Variants in KIAA1958 observed in about 807,000 individuals in gnomAD.
KIAA1958 encodes the protein uncharacterized protein KIAA1958.
KIAA1958 carries 14 observed loss-of-function variants against 47.2 expected under a neutral mutation model. The ratio of observed to expected loss-of-function variants is 0.30; its 90% CI spans 0.20 to 0.46. KIAA1958 has a LOEUF of 0.46. Among genes scored for constraint, KIAA1958 ranks in the 20% least tolerant of loss-of-function variants. KIAA1958 has a pLI of 1.00. For synonymous variants in KIAA1958, 354 were observed against 353.3 expected, an observed-to-expected ratio of 1.00 and a Z score of -0.02; for missense variants, 803 against 909.2, an observed-to-expected ratio of 0.88 and a Z score of 1.50.
At chr9:112,496,198 C>T in intron 1 of KIAA1958, among the ~76,000 whole-genome samples, 1 of 152,162 alleles carries the variant, frequency 6.6e-6, no homozygotes, top group East Asian at 1.9e-4. Context: ...ATAAATACAT[C>T]ATGGTATATT....
At chr9:112,595,639 C>T (rs1209487967) in intron 2 of KIAA1958, among the ~76,000 whole-genome samples, 1 of 147,626 alleles carries the variant, frequency 6.8e-6, no homozygotes, top group Non-Finnish European at 1.5e-5. Context: ...CATCATGCCA[C>T]TGGCATCCAA....
At chr9:112,610,602 A>G (rs919937637) in intron 2 of KIAA1958, among the ~76,000 whole-genome samples, 1 of 152,284 alleles carries the variant, frequency 6.6e-6, no homozygotes, top group South Asian at 2.1e-4. Flanking sequence ...TGGAAGAAGT[A>G]GATGATTTTC....
At chr9:112,636,320 A>T (rs1390943900) in intron 2 of KIAA1958, among the ~76,000 whole-genome samples, 1 of 152,038 alleles carries the variant, frequency 6.6e-6, no homozygotes, top group Non-Finnish European at 1.5e-5. Flanking sequence ...CTATGTTGGT[A>T]AAAGTGACAT....
chr9:112,545,468 C>T (rs1381012287), intron 1 of KIAA1958, among the ~76,000 whole-genome samples: 1 of 152,088 alleles, frequency 6.6e-6, no homozygotes, highest in South Asian at 2.1e-4. Context: ...CAGGGTTTGG[C>T]TTTTCTTGTT....
At chr9:112,617,988 CAA>C (rs1046943703) in intron 2 of KIAA1958, 20 of 1,550,520 alleles carry the variant, frequency 1.3e-5, no homozygotes, top group East Asian at 2.4e-5. Flanking sequence ...CCTTCTGAAA[CAA>C]GAGAGATTTA....
intron 1 of KIAA1958, among the ~76,000 whole-genome samples, chr9:112,510,084 A>G (rs1170553377): frequency 6.6e-6 from 1 of 152,220 alleles, no homozygotes; most frequent in Non-Finnish European, 1.5e-5. Context: ...ATCTTTGCAC[A>G]AGATCCTGGA....
intron 2 of KIAA1958, among the ~76,000 whole-genome samples, chr9:112,625,302 C>T (rs1353649190): frequency 6.6e-6 from 1 of 152,118 alleles, no homozygotes; most frequent in Non-Finnish European, 1.5e-5. Flanking sequence ...CCGGTTCATA[C>T]CATCCTGCCT....
At chr9:112,636,662 G>A (rs192690449) in intron 2 of KIAA1958, among the ~76,000 whole-genome samples, 5 of 151,992 alleles carry the variant, frequency 3.3e-5, no homozygotes, top group African/African-American at 1.2e-4. Flanking sequence ...AGTCTGTTTT[G>A]TCTGTTAGTA....
intron 2 of KIAA1958, among the ~76,000 whole-genome samples, chr9:112,580,359 G>C (rs1338927221): frequency 6.6e-6 from 1 of 151,994 alleles, no homozygotes; most frequent in Non-Finnish European, 1.5e-5. Flanking sequence ...TATTGGAAAA[G>C]TGTTCTAAGT....
intron 2 of KIAA1958, among the ~76,000 whole-genome samples, chr9:112,633,786 A>G (rs1371962049): frequency 6.6e-6 from 1 of 152,168 alleles, no homozygotes; most frequent in Non-Finnish European, 1.5e-5. Context: ...TTTTGTATAC[A>G]GTTCACTCCA....
chr9:112,659,779 C>T lies in KIAA1958; in HGVS notation c.1861C>T (p.His621Tyr). ...RVCHGKIYHE[H>Y]SRGHKQCPYC... ...GTGTCACGGGAAGATCTACCATGAG[C>T]ATTCCCGGGGACACAAACAGTGCCC... Residue 621 changes from histidine (H) to tyrosine (Y), a missense_variant, in exon 4 of 4, where the codon CAT (histidine) becomes TAT (tyrosine). His to Tyr is a moderately conservative substitution (Grantham distance 83, BLOSUM62 2). Transcript: ENST00000337530. The T allele has an allele frequency of 6.2e-7, 1 of 1,614,158 alleles. No homozygotes were observed. The highest frequency in any genetic ancestry group is 1.1e-5 in the South Asian group (1 of 91,072).
rs1237159286 is a variant in KIAA1958 at position 112,666,726 on chromosome 9, T to C, written c.*6657T>C. ...CTTCATGAAACAGGCCCTGTGAAAT[T>C]AAAAACATGAAAGCTATTTAGTACT... On this transcript the variant is annotated 3_prime_UTR_variant, in exon 4 of 4. Coordinates refer to ENST00000337530, the MANE Select transcript of KIAA1958 (RefSeq NM_133465.4). 1.3e-5 allele frequency: 2 copies of C among 152,168 alleles called. No homozygotes were observed. The highest frequency in any genetic ancestry group is 4.8e-5 in the African/African-American group (2 of 41,452). The allele number at this position is 152,168 out of a possible 1,614,324, so 9.4% of individuals were successfully genotyped here.
Position 112,574,444 on chromosome 9 carries a change from T to A in KIAA1958, c.364T>A (p.Phe122Ile). 1 of 1,614,202 alleles carries A rather than the reference T, an allele frequency of 6.2e-7. No homozygotes were observed. The highest frequency in any genetic ancestry group is 8.5e-7 in the Non-Finnish European group (1 of 1,180,018). ...DCNRTRDSCD[F>I]SYCSEPSELD... ...TAACCGGACCAGAGACTCTTGTGAC[T>A]TCTCCTACTGTAGTGAGCCCTCTGA... Residue 122 changes from phenylalanine to isoleucine, a missense_variant, in exon 2 of 4, where the codon TTC becomes ATC. Around this residue, in one of 2 missense-constraint regions of KIAA1958, gnomAD observed 761 missense variants for 829.3 expected, o/e 0.92. Coordinates refer to ENST00000337530, the MANE Select transcript of KIAA1958 (RefSeq NM_133465.4).
intron 1 of KIAA1958, among the ~76,000 whole-genome samples, chr9:112,556,521 G>T (rs1328915765): frequency 6.6e-6 from 1 of 152,144 alleles, no homozygotes; most frequent in Non-Finnish European, 1.5e-5. Flanking sequence ...TTTTTGTAGA[G>T]ATAGGGTCTT....
chr9:112,650,400 A>T (rs1233324757), intron 3 of KIAA1958, among the ~76,000 whole-genome samples: 1 of 152,178 alleles, frequency 6.6e-6, no homozygotes, highest in Non-Finnish European at 1.5e-5. Context: ...TGGAGGAAAA[A>T]ATGCATACAG....
At chr9:112,582,221 T>G (rs1835748164) in intron 2 of KIAA1958, among the ~76,000 whole-genome samples, 1 of 152,176 alleles carries the variant, frequency 6.6e-6, no homozygotes. Flanking sequence ...TGTACATTTT[T>G]AAATGACTAG....
At chr9:112,515,002 C>T (rs866274702) in intron 1 of KIAA1958, among the ~76,000 whole-genome samples, 2 of 78,010 alleles carry the variant, frequency 2.6e-5, no homozygotes, top group Admixed American at 1.2e-4. Context: ...GGCCCCCCGC[C>T]CGGCCAGCCG....
intron 2 of KIAA1958, among the ~76,000 whole-genome samples, chr9:112,611,258 G>A (rs936851570): frequency 1.3e-5 from 2 of 152,006 alleles, no homozygotes; most frequent in African/African-American, 4.8e-5. Context: ...GCTATATGGA[G>A]CATAAACATT....
chr9:112,591,949 G>A (rs1483525431), intron 2 of KIAA1958, among the ~76,000 whole-genome samples: 3 of 152,200 alleles, frequency 2.0e-5, no homozygotes, highest in Admixed American at 2.0e-4. Context: ...GGACAAGGGA[G>A]GGAAAGGGGT....
Sources: allele counts gnomAD v4.1 joint callset (sites outside exome capture counted in the v4.1 genomes callset), GRCh38; gene constraint gnomAD v4.1.1; regional missense constraint gnomAD v4.1.1; transcripts MANE v1.5; gene names NCBI Gene and HGNC (gene_info 2026-07-23, HGNC 2026-07-21).